The following CRYZ variants were observed in gnomAD, a reference collection of about 807,000 sequenced individuals.
CRYZ encodes crystallin zeta.
A neutral mutation model predicts 34.1 loss-of-function variants in CRYZ; 35 were observed. That is an observed-to-expected ratio of 1.03 (90% CI 0.78 to 1.36). CRYZ has a LOEUF of 1.36. CRYZ is among the 40% of genes most tolerant of loss of function. CRYZ has a pLI of 0.00. For synonymous variants in CRYZ, 137 were observed against 136.5 expected (o/e 1.00, Z -0.03); for missense variants, 403 against 391.8 (o/e 1.03, Z -0.24).
At chr1:74,726,734 T>C (rs1416209107) in intron 1 of CRYZ, among the ~76,000 whole-genome samples, 1 of 152,230 alleles carries the variant, frequency 6.6e-6, no homozygotes, top group Non-Finnish European at 1.5e-5. Flanking sequence ...TGAAATTTTA[T>C]GCTCTGCTTT....
chr1:74,725,706 A>G (rs1018780440), intron 1 of CRYZ, among the ~76,000 whole-genome samples: 1 of 152,172 alleles, frequency 6.6e-6, no homozygotes, highest in African/African-American at 2.4e-5. Flanking sequence ...ATAAACTCAA[A>G]GGTTCACAGT....
In CRYZ at chr1:74,723,182, T is replaced by C. The variant is rs1647194515; in HGVS notation, c.200A>G (p.Tyr67Cys). 6.2e-7 allele frequency: 1 copy of C among 1,613,812 alleles called. No individual in the cohort carries two copies. Among genetic ancestry groups the C allele is most frequent in the Non-Finnish European group, 8.5e-7 (1 of 1,179,902 alleles). The change falls in exon 3 of 9, where the codon TAT (tyrosine) becomes TGT (cysteine). Residue 67 changes from tyrosine (Y) to cysteine (C), a missense_variant. Tyr to Cys is a radical substitution (Grantham distance 194). Coordinates refer to ENST00000340866, the MANE Select transcript of CRYZ (RefSeq NM_001889.4). ...CCCAGCCACATCTGAGCCAGGAGTA[T>C]AGGGTAAGAGTGGTTTTCTACTATA... is the stretch of plus-strand genomic sequence containing the variant. ...GTYSRKPLLP[Y>C]TPGSDVAGVI...
chr1:74,726,763 C>T (rs892777534), intron 1 of CRYZ, among the ~76,000 whole-genome samples: 1 of 152,042 alleles, frequency 6.6e-6, no homozygotes, highest in African/African-American at 2.4e-5. Context: ...ACATAAGTTC[C>T]AATTCCAAAC....
rs904297784 is a variant in CRYZ, at chr1:74,706,394, C to T, written c.892G>A (p.Val298Met). The change falls in exon 9 of 9, where the codon GTG becomes ATG. Residue 298 changes from valine to methionine, a missense_variant. Physicochemically the swap from Val to Met is conservative, Grantham distance 21 (BLOSUM62 1). Transcript: ENST00000340866. ...AGMEIGWLKP[V>M]IGSQYPLEKV... is the part of the protein sequence containing the mutation. ...TCCAATGGATATTGAGAACCTATCA[C>T]AGGTTTCAACCAGCCAATTTCCATT... The T allele has an allele frequency of 2.5e-6, 4 of 1,612,758 alleles. No homozygotes were observed. The highest frequency in any genetic ancestry group is 1.3e-5 in the African/African-American group (1 of 74,978).
At chr1:74,726,191 C>T (rs1647329464) in intron 1 of CRYZ, among the ~76,000 whole-genome samples, 1 of 152,224 alleles carries the variant, frequency 6.6e-6, no homozygotes, top group Non-Finnish European at 1.5e-5. Flanking sequence ...TGCGTGGGGG[C>T]TCCCAGCCCA....
At chr1:74,712,492 G>T (rs1462099217) in intron 5 of CRYZ, among the ~76,000 whole-genome samples, 5 of 152,160 alleles carry the variant, frequency 3.3e-5, no homozygotes, top group Admixed American at 1.3e-4. Context: ...AATAATGATA[G>T]AAACAGATTA....
chr1:74,724,970 C>T (rs1354042926), intron 1 of CRYZ, 136 bp from the exon 2 acceptor site: 2 of 559,374 alleles, frequency 3.6e-6, no homozygotes. Flanking sequence ...GATCTCATTT[C>T]ATGTTTAAGG....
intron 6 of CRYZ, chr1:74,707,769 T>G (rs962404114): frequency 6.6e-6 from 1 of 152,192 alleles, no homozygotes; most frequent in Non-Finnish European, 1.5e-5. Context: ...ATATTCATTT[T>G]ATTTTAACAC....
intron 3 of CRYZ, 128 bp from the exon 4 acceptor site, chr1:74,719,500 ATTTT>A: frequency 1.5e-6 from 1 of 656,608 alleles, no homozygotes; most frequent in Non-Finnish European, 2.2e-6. Flanking sequence ...CATATAAATA[ATTTT>A]TTTTTTTTTG....
chr1:74,712,959 A>G (rs1003979602), intron 5 of CRYZ, among the ~76,000 whole-genome samples: 3 of 152,182 alleles, frequency 2.0e-5, no homozygotes, highest in Non-Finnish European at 4.4e-5. Flanking sequence ...CCTCACCAAC[A>G]TATCTGGATA....
rs1308431115 is a variant in CRYZ at position 74,714,491 on chromosome 1, A to G, written c.480+88T>C. 8 of 1,303,132 alleles carry G rather than the reference A, an allele frequency of 6.1e-6. No individual in the cohort carries two copies. In the Admixed American group the frequency reaches 1.0e-4, roughly 17 times the overall value. 80.7% of individuals were successfully genotyped at this position (1,303,132 alleles called of 1,614,324 possible). A position where few individuals can be genotyped will look rare whatever the true frequency, so the allele number is the denominator to read the frequency against. On this transcript the variant is annotated intron_variant, in intron 5 of 8. Coordinates refer to ENST00000340866, the MANE Select transcript of CRYZ (RefSeq NM_001889.4). The stretch of plus-strand genomic sequence containing the variant: ...AAAGCACCTTTGACTCTATTTATAA[A>G]TCTGACTTTTAAAAATGACCAAAGG...
intron 3 of CRYZ, 76 bp from the exon 4 acceptor site, chr1:74,719,448 A>T: frequency 7.3e-7 from 1 of 1,373,306 alleles, no homozygotes; most frequent in African/African-American, 1.4e-5. Flanking sequence ...CCTTTATAAC[A>T]AGAAATAAGT....
At chr1:74,732,034 A>C (rs1647783878) in intron 1 of CRYZ, among the ~76,000 whole-genome samples, 1 of 152,202 alleles carries the variant, frequency 6.6e-6, no homozygotes, top group African/African-American at 2.4e-5. Context: ...TCCAAGACAA[A>C]AAATCCCCCA....
At chr1:74,716,195 CGCGT>C (rs976515935) in intron 4 of CRYZ, among the ~76,000 whole-genome samples, 2 of 147,136 alleles carry the variant, frequency 1.4e-5, no homozygotes, top group South Asian at 2.2e-4. Context: ...AATCTGTGTG[CGCGT>C]GTGTGTGTGT....
chr1:74,723,638 T>C (rs570745459), intron 2 of CRYZ, among the ~76,000 whole-genome samples: 3 of 152,250 alleles, frequency 2.0e-5, no homozygotes, highest in African/African-American at 7.2e-5. Context: ...TTCTAGCCAA[T>C]GGAATGTTAG....
intron 3 of CRYZ, among the ~76,000 whole-genome samples, chr1:74,720,231 T>A (rs1647140158): frequency 6.6e-6 from 1 of 150,890 alleles, no homozygotes; most frequent in South Asian, 2.1e-4. Flanking sequence ...ATCCCATCCA[T>A]GAGTTTCCTC....
chr1:74,708,486 G>A (rs1210665085), intron 6 of CRYZ: 1 of 152,140 alleles, frequency 6.6e-6, no homozygotes, highest in Non-Finnish European at 1.5e-5. Flanking sequence ...ATGAATAACA[G>A]TCAAGGCTGG....
chr1:74,724,585 T>C (rs900309919), intron 2 of CRYZ, 126 bp downstream of exon 2: 9 of 614,206 alleles, frequency 1.5e-5, no homozygotes, highest in South Asian at 6.5e-5. Flanking sequence ...TATGTATACA[T>C]AGTGTAAACT....
rs768891759 is a variant in CRYZ at position 74,709,950 on chromosome 1, A to AAATTT, written c.630+147_630+148insAAATT. On this transcript the variant is annotated intron_variant, in intron 6 of 8. Transcript: ENST00000340866. ...AAACTTAGACATCTGTTTTTTAAATAAAGTTTTAAAACACGCATAAAAATT... is the reference window on the plus strand; with the variant it reads ...AAACTTAGACATCTGTTTTTTAAATAAATTTAAGTTTTAAAACACGCATAAAAATT... 7 of 624,804 alleles carry AAATTT rather than the reference A, an allele frequency of 1.1e-5. No homozygotes were observed. The African/African-American group carries it at 1.3e-4, about 12-fold the overall frequency. 38.7% of individuals were successfully genotyped at this position (624,804 alleles called of 1,614,324 possible). A position where few individuals can be genotyped will look rare whatever the true frequency, so the allele number is the denominator to read the frequency against.
Sources: gnomAD v4.1 joint callset for allele counts (sites outside exome capture counted in the v4.1 genomes callset) on GRCh38, gnomAD v4.1.1 for gene constraint, MANE v1.5 for transcripts, NCBI Gene and HGNC (gene_info 2026-07-23, HGNC 2026-07-21) for gene names.